Variants in MEGF11 observed in about 807,000 individuals in gnomAD.
MEGF11 encodes multiple epidermal growth factor-like domains protein 11.
In MEGF11, 126 loss-of-function variants were observed where a neutral mutation model predicts 146.6. The ratio of observed to expected loss-of-function variants is 0.86; its 90% CI spans 0.74 to 1.00. MEGF11 has a LOEUF of 1.00. MEGF11 is among the 50% of genes least tolerant of loss of function. The pLI, the probability that MEGF11 is intolerant of heterozygous loss-of-function variation, is 0.00. For missense variants in MEGF11, 1,509 were observed against 1,521.2 expected, an observed-to-expected ratio of 0.99 and a Z score of 0.13; for synonymous variants, 532 against 583.4, an observed-to-expected ratio of 0.91 and a Z score of 1.27.
chr15:65,911,677 C>T (rs2078812581), intron 21 of MEGF11, among the ~76,000 whole-genome samples: 1 of 152,204 alleles, frequency 6.6e-6, no homozygotes, highest in African/African-American at 2.4e-5. Flanking sequence ...TCCCAAAGTG[C>T]TGGGATTACA....
chr15:66,103,315 G>A (rs1279497834), intron 4 of MEGF11, among the ~76,000 whole-genome samples: 5 of 152,220 alleles, frequency 3.3e-5, no homozygotes, highest in African/African-American at 1.2e-4. Context: ...TTATGAGCGT[G>A]AAAATGACAC....
chr15:66,147,935 A>G (rs2089433477), intron 1 of MEGF11, among the ~76,000 whole-genome samples: 1 of 152,230 alleles, frequency 6.6e-6, no homozygotes, highest in Admixed American at 6.5e-5. Context: ...TTAATGATGG[A>G]CATTCACACC....
chr15:66,196,477 A>G (rs1476606182), intron 1 of MEGF11, among the ~76,000 whole-genome samples: 1 of 152,100 alleles, frequency 6.6e-6, no homozygotes. Context: ...TCTCAGAAAA[A>G]AAAAGTTGGT....
chr15:66,033,642 T>A (rs2083614712), intron 5 of MEGF11, among the ~76,000 whole-genome samples: 1 of 152,230 alleles, frequency 6.6e-6, no homozygotes, highest in Non-Finnish European at 1.5e-5. Flanking sequence ...CCAGCAAGGC[T>A]ATGGGGATGG....
intron 1 of MEGF11, among the ~76,000 whole-genome samples, chr15:66,148,574 C>T (rs1434783857): frequency 6.6e-6 from 1 of 152,190 alleles, no homozygotes; most frequent in Non-Finnish European, 1.5e-5. Flanking sequence ...CCAGCCAACC[C>T]CACATCCACC....
At chr15:65,916,299 C>T (rs761013773) in intron 17 of MEGF11, 23 bp from the exon 18 acceptor site, 6 of 1,546,610 alleles carry the variant, frequency 3.9e-6, no homozygotes, top group South Asian at 2.4e-5. Context: ...GATTTCCAGT[C>T]ACGAGAGTTG....
At chr15:66,222,199 T>C (rs566759100) in intron 1 of MEGF11, among the ~76,000 whole-genome samples, 1 of 152,136 alleles carries the variant, frequency 6.6e-6, no homozygotes, top group South Asian at 2.1e-4. Flanking sequence ...CGTCCCCAAC[T>C]CTGTGACCCT....
At chr15:65,912,253 G>GTACTGGGGGTATCTC in intron 20 of MEGF11, 53 bp from the exon 21 acceptor site, 1 of 1,074,184 alleles carries the variant, frequency 9.3e-7, no homozygotes, top group South Asian at 4.8e-5. Context: ...CCTGGCATGA[G>GTACTGGGGGTATCTC]ATACCCCCAG....
intron 1 of MEGF11, among the ~76,000 whole-genome samples, chr15:66,189,242 A>C (rs951195707): frequency 1.3e-5 from 2 of 152,160 alleles, no homozygotes; most frequent in Non-Finnish European, 2.9e-5. Context: ...CTCTGGCACT[A>C]GGGAGGGGAG....
intron 4 of MEGF11, among the ~76,000 whole-genome samples, chr15:66,118,685 C>G (rs1395702014): frequency 6.6e-6 from 1 of 152,174 alleles, no homozygotes; most frequent in Non-Finnish European, 1.5e-5. Context: ...AACTGTCCAT[C>G]TACATACCCA....
At position 65,916,944 on chromosome 15, in the gene MEGF11, C is replaced by A; in HGVS notation, c.2099G>T (p.Gly700Val). The A allele has an allele frequency of 6.6e-7, 1 of 1,519,242 alleles. No homozygotes were observed. Among genetic ancestry groups the A allele is most frequent in the Non-Finnish European group, 8.8e-7 (1 of 1,130,158 alleles). The allele number at this position is 1,519,242 out of a possible 1,614,324, so 94.1% of individuals were successfully genotyped here. A position where few individuals can be genotyped will look rare whatever the true frequency, so the allele number is the denominator to read the frequency against. The change falls in exon 17 of 26, where the codon GGG (glycine) becomes GTG (valine). Residue 700 changes from glycine (G) to valine (V), a missense_variant. Transcript: ENST00000395614. ...GKDCSQACPP[G>V]FWGPACFHAC... is the part of the protein sequence containing the mutation. ...GTGGAAGCAGGCGGGGCCCCAGAAC[C>A]CGGGTGGGCAAGCTGGGATGTCGGT...
chr15:65,920,794 A>C lies in MEGF11; in HGVS notation c.1957+1544T>G, dbSNP rs139894201. On this transcript the variant is annotated intron_variant, in intron 15 of 25. Transcript: ENST00000395614. Reference sequence around the variant, plus strand: ...CAATTTTTTACAAGGTTTAAGACTTAACCAGGGCAGTTGCCATTAATAGCA... The same window carrying C: ...CAATTTTTTACAAGGTTTAAGACTTCACCAGGGCAGTTGCCATTAATAGCA... Among the ~76,000 whole-genome samples the C allele has an allele frequency of 1.3e-3, 196 of 152,362 alleles. 1 individual carries two copies. The highest frequency in any genetic ancestry group is 4.6e-3 in the African/African-American group (191 of 41,584).
At chr15:65,991,774 C>T (rs560921926) in intron 5 of MEGF11, among the ~76,000 whole-genome samples, 33 of 152,282 alleles carry the variant, frequency 2.2e-4, no homozygotes, top group African/African-American at 7.0e-4. Context: ...ATGACTTGCC[C>T]GTGACCACAC....
At chr15:65,916,703 A>T in intron 17 of MEGF11, 125 bp downstream of exon 17, 1 of 1,482,540 alleles carries the variant, frequency 6.7e-7, no homozygotes, top group East Asian at 2.5e-5. Context: ...GGCAGGAGTC[A>T]GGTACCACCA....
intron 1 of MEGF11, among the ~76,000 whole-genome samples, chr15:66,175,314 A>G (rs2090363571): frequency 6.6e-6 from 1 of 152,220 alleles, no homozygotes; most frequent in Non-Finnish European, 1.5e-5. Flanking sequence ...AGAAATAGAA[A>G]AAACAACCCG....
At chr15:66,022,258 C>T (rs746715691) in intron 5 of MEGF11, among the ~76,000 whole-genome samples, 1 of 152,246 alleles carries the variant, frequency 6.6e-6, no homozygotes, top group Non-Finnish European at 1.5e-5. Context: ...ACTCTCTCAG[C>T]TCCATGTAAG....
chr15:65,923,349 G>A (rs974769438), intron 13 of MEGF11, among the ~76,000 whole-genome samples: 2 of 152,192 alleles, frequency 1.3e-5, no homozygotes, highest in African/African-American at 2.4e-5. Context: ...GGCCTCTTCT[G>A]TATGGCATCC....
At chr15:65,990,502 A>G (rs2004127) in intron 5 of MEGF11, among the ~76,000 whole-genome samples, 44,583 of 151,720 alleles carry the variant, frequency 0.29, 6,859 homozygotes, top group East Asian at 0.6. Context: ...GTGAGCTGTG[A>G]TGGCGCCACT....
chr15:66,123,291 G>T (rs1247422781), intron 3 of MEGF11, among the ~76,000 whole-genome samples: 1 of 152,200 alleles, frequency 6.6e-6, no homozygotes, highest in Non-Finnish European at 1.5e-5. Context: ...GCCTGGTCAA[G>T]GTGCCGAGAG....
Sources: gnomAD v4.1 joint callset for allele counts (sites outside exome capture counted in the v4.1 genomes callset) on GRCh38, gnomAD v4.1.1 for gene constraint, MANE v1.5 for transcripts, NCBI Gene and HGNC (gene_info 2026-07-23, HGNC 2026-07-21) for gene names.